The following FAT3 variants were observed in gnomAD, a reference collection of about 807,000 sequenced individuals.
FAT3 encodes the protein protocadherin Fat 3.
FAT3 carries 95 observed loss-of-function variants against 310.2 expected under a neutral mutation model. The observed-to-expected ratio is 0.31, with a 90% CI of 0.26 to 0.36. The LOEUF (loss-of-function observed/expected upper bound fraction) is 0.36. Ranked by LOEUF, FAT3 falls within the 10% of genes least tolerant of loss-of-function variation. FAT3 has a pLI of 1.00. For synonymous variants in FAT3, 2,314 were observed against 2,192.9 expected (o/e 1.06, Z -1.54); for missense variants, 5,408 against 5,715.6 (o/e 0.95, Z 1.74).
chr11:92,878,664 A>AAC (rs1949597993), intron 22 of FAT3, among the ~76,000 whole-genome samples: 1 of 70,876 alleles, frequency 1.4e-5, no homozygotes, highest in Non-Finnish European at 2.4e-5. Flanking sequence ...AAAAAAAAAA[A>AAC]AAAGCTCCGC....
chr11:92,432,793 C>T (rs527309016), intron 2 of FAT3, among the ~76,000 whole-genome samples: 11 of 152,270 alleles, frequency 7.2e-5, no homozygotes, highest in South Asian at 6.2e-4. Flanking sequence ...TCTTCAGAGC[C>T]GGTAGGGAGG....
intron 1 of FAT3, among the ~76,000 whole-genome samples, chr11:92,251,186 C>T (rs1865123463): frequency 6.6e-6 from 1 of 152,128 alleles, no homozygotes; most frequent in Admixed American, 6.6e-5. Flanking sequence ...TAGGTACTGT[C>T]TAGATAGTCT....
At chr11:92,625,739 CT>C (rs5793614) in intron 3 of FAT3, among the ~76,000 whole-genome samples, 78,448 of 146,598 alleles carry the variant, frequency 0.54, 21,582 homozygotes, top group African/African-American at 0.71. Context: ...TGTCCTTCAA[CT>C]TTTTTTTTTT....
chr11:92,424,857 G>T (rs555127126), intron 2 of FAT3, among the ~76,000 whole-genome samples: 1 of 152,252 alleles, frequency 6.6e-6, no homozygotes, highest in South Asian at 2.1e-4. Context: ...AATTGAAAAT[G>T]ATGACTATGA....
intron 2 of FAT3, among the ~76,000 whole-genome samples, chr11:92,472,002 A>G (rs1951921925): frequency 6.8e-6 from 1 of 147,114 alleles, no homozygotes; most frequent in African/African-American, 2.5e-5. Context: ...TTATGTATGT[A>G]ATTTATAGAC....
At chr11:92,600,850 G>A (rs1315446471) in intron 3 of FAT3, among the ~76,000 whole-genome samples, 1 of 152,154 alleles carries the variant, frequency 6.6e-6, no homozygotes, top group Non-Finnish European at 1.5e-5. Context: ...AGATGGTTGG[G>A]GAAGGCACCT....
At chr11:92,299,210 T>A (rs1375159729) in intron 1 of FAT3, among the ~76,000 whole-genome samples, 1 of 152,066 alleles carries the variant, frequency 6.6e-6, no homozygotes, top group Non-Finnish European at 1.5e-5. Flanking sequence ...TTAATCAAAC[T>A]GAGCAAATGC....
intron 1 of FAT3, among the ~76,000 whole-genome samples, chr11:92,230,907 T>G (rs1427275172): frequency 6.6e-6 from 1 of 152,238 alleles, no homozygotes; most frequent in Non-Finnish European, 1.5e-5. Context: ...TTCCATTTAA[T>G]AATTCTTACT....
At chr11:92,418,756 T>G (rs1339594302) in intron 2 of FAT3, among the ~76,000 whole-genome samples, 1 of 152,160 alleles carries the variant, frequency 6.6e-6, no homozygotes, top group Non-Finnish European at 1.5e-5. Context: ...GGGAATTTGC[T>G]TGGATTCTTT....
intron 18 of FAT3, among the ~76,000 whole-genome samples, chr11:92,841,578 G>A (rs1372858284): frequency 6.6e-6 from 1 of 152,156 alleles, no homozygotes; most frequent in African/African-American, 2.4e-5. Flanking sequence ...ATTGCCATCT[G>A]CTCCTCCAAC....
In FAT3 at chr11:92,792,963, A is replaced by G. The variant is rs1320112278; in HGVS notation, c.4808A>G (p.Tyr1603Cys). 5.0e-6 allele frequency: 8 copies of G among 1,613,450 alleles called. No homozygotes were observed. The highest frequency in any genetic ancestry group is 5.9e-6 in the Non-Finnish European group (7 of 1,179,678). Residue 1603 changes from tyrosine (Y) to cysteine (C), a missense_variant, in exon 9 of 28, where the codon TAT becomes TGT. Tyr to Cys is a radical substitution (Grantham distance 194, BLOSUM62 -2). Around this residue, in one of 5 missense-constraint regions of FAT3, gnomAD observed 4,588 missense variants for 4,809.8 expected, o/e 0.95. Coordinates refer to ENST00000525166, the MANE Select transcript of FAT3 (RefSeq NM_001367949.2). ...KDKGENAELI[Y>C]TIEAGNTGNM... is the part of the protein sequence containing the mutation. ...AAAGGAGAAAATGCAGAACTCATAT[A>G]TACCATAGAAGCAGGTGAGAGCTGT...
chr11:92,317,872 A>T (rs1467812671), intron 1 of FAT3, among the ~76,000 whole-genome samples: 3 of 152,088 alleles, frequency 2.0e-5, no homozygotes, highest in Non-Finnish European at 4.4e-5. Flanking sequence ...TGATGCTAAT[A>T]GTCGTTATTT....
chr11:92,744,462 A>C (rs1945596283), intron 4 of FAT3, among the ~76,000 whole-genome samples: 2 of 152,262 alleles, frequency 1.3e-5, no homozygotes, highest in Non-Finnish European at 2.9e-5. Flanking sequence ...CAGACCATTT[A>C]CATATTAAAT....
intron 3 of FAT3, among the ~76,000 whole-genome samples, chr11:92,555,847 T>C (rs985834321): frequency 6.6e-6 from 1 of 152,246 alleles, no homozygotes; most frequent in African/African-American, 2.4e-5. Flanking sequence ...AGACCTTACA[T>C]TATGTCGTTC....
chr11:92,749,228 G>GGTTT (rs1945758245), intron 4 of FAT3, among the ~76,000 whole-genome samples: 2 of 152,018 alleles, frequency 1.3e-5, no homozygotes, highest in South Asian at 4.1e-4. Context: ...TAAGAGCTCA[G>GGTTT]CATTCTGGAA....
chr11:92,598,238 T>C (rs1453041770), intron 3 of FAT3, among the ~76,000 whole-genome samples: 1 of 146,184 alleles, frequency 6.8e-6, no homozygotes, highest in South Asian at 2.1e-4. Context: ...ATATTTTTTT[T>C]TTTTTTGAGA....
At position 92,412,716 on chromosome 11, in the gene FAT3, T is replaced by TACAC. The variant is rs757661467; in HGVS notation, c.3292+57313_3292+57314insCACA. On this transcript the variant is annotated intron_variant, in intron 2 of 27. Transcript: ENST00000525166. ...ATGATGGTGGTGATATATATATATA[T>TACAC]ATATATATATATATATATATATATA... Among the ~76,000 whole-genome samples the TACAC allele has an allele frequency of 4.8e-4, 11 of 23,088 alleles. 1 individual carries two copies. The highest frequency in any genetic ancestry group is 1.9e-3 in the Admixed American group (3 of 1,552). The allele number at this position is 23,088 out of a possible 152,430, so 15.1% of individuals were successfully genotyped here. A position where few individuals can be genotyped will look rare whatever the true frequency, so the allele number is the denominator to read the frequency against.
intron 1 of FAT3, among the ~76,000 whole-genome samples, chr11:92,326,078 G>T (rs1947755250): frequency 6.6e-6 from 1 of 152,204 alleles, no homozygotes; most frequent in African/African-American, 2.4e-5. Flanking sequence ...TAATATTGCA[G>T]ACAACCAGTA....
Position 92,765,101 on chromosome 11 carries a change from T to C in FAT3, c.4195+12T>C, listed in dbSNP as rs1415987229. On this transcript the variant is annotated intron_variant, in intron 6 of 27. Transcript: ENST00000525166. ...GTTTGACATAGTTGGTAAGTTCGAG[T>C]CTTACAGAGCAGTATCATGCAATGT... is the stretch of plus-strand genomic sequence containing the variant. 2 of 1,607,504 alleles carry C rather than the reference T, an allele frequency of 1.2e-6. No homozygotes were observed. The highest frequency in any genetic ancestry group is 8.5e-7 in the Non-Finnish European group (1 of 1,177,220).
Sources: gnomAD v4.1 joint callset for allele counts (sites outside exome capture counted in the v4.1 genomes callset) on GRCh38, gnomAD v4.1.1 for gene constraint, gnomAD v4.1.1 regional missense constraint, MANE v1.5 for transcripts, NCBI Gene and HGNC (gene_info 2026-07-23, HGNC 2026-07-21) for gene names.